ACOXL: variants seen among roughly 807,000 people sequenced by gnomAD.
ACOXL encodes acyl-coenzyme A oxidase-like protein.
ACOXL carries 70 observed loss-of-function variants against 71.9 expected under a neutral mutation model. That is an observed-to-expected ratio of 0.97 (90% CI 0.80 to 1.19). ACOXL has a LOEUF of 1.19. Ranked by LOEUF, ACOXL falls within the 50% of genes most tolerant of loss-of-function variation. The pLI, the probability that ACOXL is intolerant of heterozygous loss-of-function variation, is 0.00. For synonymous variants in ACOXL, 253 were observed against 281.6 expected (o/e 0.90, Z 1.02); for missense variants, 703 against 736.3 (o/e 0.95, Z 0.52).
At chr2:110,846,641 G>GCGCGCACA (rs148602789) in intron 10 of ACOXL, among the ~76,000 whole-genome samples, 56 of 138,032 alleles carry the variant, frequency 4.1e-4, no homozygotes, top group East Asian at 9.1e-4. Context: ...ATGCATACAC[G>GCGCGCACA]CACACACACA....
chr2:110,902,233 G>A lies in ACOXL; in HGVS notation c.789-6556G>A, dbSNP rs550132783. Among the ~76,000 whole-genome samples, 9 of 152,256 alleles carry A rather than the reference G, an allele frequency of 5.9e-5. 1 individual carries two copies. The East Asian group carries it at 1.7e-3, about 29-fold the overall frequency. ...ACCTGTAATCCCACCACTTTGGGAG[G>A]CCCAGGTGGGCAGATCACTTGAAGC... is the stretch of plus-strand genomic sequence containing the variant. On this transcript the variant is annotated intron_variant, in intron 10 of 17. Transcript: ENST00000439055.
chr2:110,846,683 AC>A (rs1366861339), intron 10 of ACOXL, among the ~76,000 whole-genome samples: 1 of 151,582 alleles, frequency 6.6e-6, no homozygotes, highest in African/African-American at 2.4e-5. Flanking sequence ...ACAGTGTAAC[AC>A]ATGCCCACCC....
At chr2:110,892,559 G>A (rs1698044331) in intron 10 of ACOXL, among the ~76,000 whole-genome samples, 1 of 152,150 alleles carries the variant, frequency 6.6e-6, no homozygotes, top group African/African-American at 2.4e-5. Context: ...GCTCGGAGGG[G>A]TGGTTATTAT....
chr2:110,962,797 G>C (rs773049137), intron 12 of ACOXL, among the ~76,000 whole-genome samples: 1 of 152,254 alleles, frequency 6.6e-6, no homozygotes, highest in Non-Finnish European at 1.5e-5. Flanking sequence ...ACTCCTGGGA[G>C]AAGTAACAGG....
At chr2:111,094,405 T>C (rs1474768159) in intron 17 of ACOXL, 2 of 152,174 alleles carry the variant, frequency 1.3e-5, no homozygotes, top group Non-Finnish European at 1.5e-5. Context: ...GGGTAATTTA[T>C]AAAGAAAAGA....
intron 12 of ACOXL, chr2:110,967,957 A>G: frequency 1.1e-6 from 1 of 938,882 alleles, no homozygotes; most frequent in Non-Finnish European, 1.7e-6. Flanking sequence ...ACAGGATAAA[A>G]ATAAATACAA....
rs111948274 is a variant in ACOXL, at chr2:110,792,736, A to G, written c.160-914A>G. On this transcript the variant is annotated intron_variant, in intron 3 of 17. Transcript: ENST00000439055. ...ATCGCTTGAGCCTGAGAGTTTGACA[A>G]TGCAGTGAGCTATGATCATGCCACT... Among the ~76,000 whole-genome samples the G allele has an allele frequency of 1.8e-3, 280 of 152,290 alleles. 2 individuals are homozygous for G. Among genetic ancestry groups the G allele is most frequent in the African/African-American group, 6.3e-3 (263 of 41,548 alleles).
At chr2:110,781,276 G>A (rs1683290993) in intron 2 of ACOXL, among the ~76,000 whole-genome samples, 1 of 152,148 alleles carries the variant, frequency 6.6e-6, no homozygotes, top group Non-Finnish European at 1.5e-5. Context: ...GGGGCTGGGT[G>A]GACAGAGGAG....
At chr2:110,978,536 G>C (rs1425358346) in intron 12 of ACOXL, among the ~76,000 whole-genome samples, 2 of 152,120 alleles carry the variant, frequency 1.3e-5, no homozygotes, top group Non-Finnish European at 2.9e-5. Flanking sequence ...ACCGGTGCAG[G>C]CTGGAAAAAA....
intron 9 of ACOXL, among the ~76,000 whole-genome samples, chr2:110,840,941 G>A (rs188488978): frequency 6.6e-6 from 1 of 152,186 alleles, no homozygotes; most frequent in Non-Finnish European, 1.5e-5. Context: ...ATAGAGGGGG[G>A]ACCAGCTCCC....
At chr2:110,836,012 C>T (rs1690419104) in intron 9 of ACOXL, among the ~76,000 whole-genome samples, 1 of 152,226 alleles carries the variant, frequency 6.6e-6, no homozygotes, top group South Asian at 2.1e-4. Flanking sequence ...ACAAAGCTCA[C>T]TGTTACTTCC....
chr2:111,046,999 C>T (rs1558909588), intron 15 of ACOXL, among the ~76,000 whole-genome samples: 2 of 152,148 alleles, frequency 1.3e-5, no homozygotes, highest in African/African-American at 4.8e-5. Context: ...CTCCAGAAAT[C>T]AAAGTGGCAG....
chr2:111,003,550 CAAAAAAAAAAAAAAA>C, intron 14 of ACOXL, among the ~76,000 whole-genome samples: 1 of 35,338 alleles, frequency 2.8e-5, no homozygotes, highest in East Asian at 6.1e-4. Context: ...GACTCTGTCT[CAAAAAAAAAAAAAAA>C]AAAAAAAAAA....
chr2:110,846,612 C>T (rs1458495194), intron 10 of ACOXL, among the ~76,000 whole-genome samples: 4 of 144,212 alleles, frequency 2.8e-5, no homozygotes, highest in East Asian at 2.2e-4. Flanking sequence ...ACCATCCTCC[C>T]GCATGTGAGC....
At chr2:110,843,641 T>G (rs1204121495) in intron 10 of ACOXL, among the ~76,000 whole-genome samples, 1 of 152,162 alleles carries the variant, frequency 6.6e-6, no homozygotes, top group Non-Finnish European at 1.5e-5. Context: ...AAGGAGGAAG[T>G]TAGCAGCTGT....
intron 9 of ACOXL, among the ~76,000 whole-genome samples, chr2:110,832,089 T>G (rs975498449): frequency 2.6e-5 from 4 of 151,952 alleles, no homozygotes; most frequent in Non-Finnish European, 5.9e-5. Context: ...CCCAGCTACT[T>G]GGGAGGAGTT....
chr2:111,084,864 G>T (rs1346594222), intron 16 of ACOXL, among the ~76,000 whole-genome samples: 1 of 147,200 alleles, frequency 6.8e-6, no homozygotes, highest in Non-Finnish European at 1.5e-5. Context: ...AAAATGAAGG[G>T]ATGGTGAAAA....
At chr2:111,109,335 CCATTA>C (rs2069777047) in intron 17 of ACOXL, among the ~76,000 whole-genome samples, 1 of 152,216 alleles carries the variant, frequency 6.6e-6, no homozygotes, top group Non-Finnish European at 1.5e-5. Context: ...AACATTTCAA[CCATTA>C]CATCTTCAAG....
chr2:110,977,168 C>T (rs540266410), intron 12 of ACOXL, among the ~76,000 whole-genome samples: 41 of 152,150 alleles, frequency 2.7e-4, no homozygotes, highest in Non-Finnish European at 5.0e-4. Flanking sequence ...GGGCGGATCA[C>T]GAGGTCAGGA....
Sources: gnomAD v4.1 joint callset for allele counts (sites outside exome capture counted in the v4.1 genomes callset) on GRCh38, gnomAD v4.1.1 for gene constraint, MANE v1.5 for transcripts, NCBI Gene and HGNC (gene_info 2026-07-23, HGNC 2026-07-21) for gene names.